The following CCDC106 variants were observed in gnomAD, a reference collection of about 807,000 sequenced individuals.
CCDC106 encodes coiled-coil domain containing 106.
In CCDC106, 17 loss-of-function variants were observed where a neutral mutation model predicts 24.7. The observed-to-expected ratio is 0.69, with a 90% CI of 0.47 to 1.03. The LOEUF (loss-of-function observed/expected upper bound fraction) is 1.03. Ranked by LOEUF, CCDC106 falls within the 50% of genes least tolerant of loss-of-function variation. CCDC106 has a pLI of 0.00. For synonymous variants in CCDC106, 211 were observed against 161.3 expected, an observed-to-expected ratio of 1.31 and a Z score of -2.34; for missense variants, 337 against 388.9, an observed-to-expected ratio of 0.87 and a Z score of 1.12.
intron 3 of CCDC106, 48 bp from the exon 4 acceptor site, chr19:55,651,235 A>G: frequency 1.4e-6 from 2 of 1,416,612 alleles, no homozygotes; most frequent in Non-Finnish European, 1.0e-6. Flanking sequence ...GGGACCTGTG[A>G]TGGGATGTCT....
rs774812505 is a variant in CCDC106 at position 55,649,503 on chromosome 19, C to A, written c.232C>A (p.Arg78Ser). Residue 78 changes from arginine to serine, a missense_variant, in exon 3 of 5, where the codon CGC becomes AGC. By Grantham distance (110) the Arg-to-Ser change is moderately radical. This residue lies in a region of CCDC106 where 234 missense variants were observed against 236.5 expected (regional missense o/e 0.99). Coordinates refer to ENST00000586790, the MANE Select transcript of CCDC106 (RefSeq NM_001370470.1). ...GGAGAGGAACTCCTGGCTGCAGAAG[C>A]GCATCGAGGACCTGGAGGAAGAGAG... ...ALERNSWLQK[R>S]IEDLEEERDF... The A allele has an allele frequency of 4.3e-6, 7 of 1,613,936 alleles. No individual in the cohort carries two copies. The highest frequency in any genetic ancestry group is 5.9e-6 in the Non-Finnish European group (7 of 1,179,950).
At chr19:55,651,532 G>A (rs775752133) in intron 4 of CCDC106, 37 bp downstream of exon 4, 10 of 1,388,100 alleles carry the variant, frequency 7.2e-6, no homozygotes, top group South Asian at 2.8e-5. Context: ...TGAGGGGCCC[G>A]GGCTGCTGAA....
Position 55,649,666 on chromosome 19 carries a change from T to A in CCDC106, c.313+82T>A, listed in dbSNP as rs1054637423. On this transcript the variant is annotated intron_variant, in intron 3 of 4. Coordinates refer to ENST00000586790, the MANE Select transcript of CCDC106 (RefSeq NM_001370470.1). ...TCACCCAGACTCAAGGCTCCACTGT[T>A]TGGCTGGCTGGGTGGGACCTGCCAT... is the stretch of plus-strand genomic sequence containing the variant. 3.6e-6 allele frequency: 5 copies of A among 1,392,868 alleles called. No homozygotes were observed. In the African/African-American group the frequency reaches 7.1e-5, roughly 20 times the overall value. The allele number at this position is 1,392,868 out of a possible 1,614,324, so 86.3% of individuals were successfully genotyped here.
rs1353572084 is a variant in CCDC106, at chr19:55,651,140, A to G, written c.314-143A>G. On this transcript the variant is annotated intron_variant, in intron 3 of 4. Transcript: ENST00000586790. ...GCTCTACTCAGCCACCAGCGTCTCT[A>G]CCGTACTCCTTGTCTCTCTGTCTCT... 5.8e-6 allele frequency: 4 copies of G among 688,168 alleles called. No homozygotes were observed. The East Asian group carries it at 8.0e-5, about 14-fold the overall frequency. 42.6% of individuals were successfully genotyped at this position (688,168 alleles called of 1,614,324 possible). A position where few individuals can be genotyped will look rare whatever the true frequency, so the allele number is the denominator to read the frequency against.
intron 3 of CCDC106, among the ~76,000 whole-genome samples, chr19:55,649,908 CTTCTGACTCCT>C (rs968021113): frequency 3.3e-5 from 5 of 152,104 alleles, no homozygotes; most frequent in Admixed American, 2.0e-4. Context: ...GAGCCCCTCT[CTTCTGACTCCT>C]AGGGGGACCT....
Position 55,649,536 on chromosome 19 carries a change from C to T in CCDC106, c.265C>T (p.Leu89=). ...IEDLEEERDF[L]RCQLDKFISS... is the part of the protein sequence containing the mutation. ...GGACCTGGAGGAAGAGAGGGACTTC[C>T]TGCGGTGCCAGCTGGACAAATTCAT... The change falls in exon 3 of 5, where the codon CTG becomes TTG. Residue 89 remains leucine, a synonymous_variant. Coordinates refer to ENST00000586790, the MANE Select transcript of CCDC106 (RefSeq NM_001370470.1). 2 of 1,614,136 alleles carry T rather than the reference C, an allele frequency of 1.2e-6. No homozygotes were observed. The highest frequency in any genetic ancestry group is 1.7e-6 in the Non-Finnish European group (2 of 1,179,986).
chr19:55,648,513 C>T lies in CCDC106; in HGVS notation c.-534C>T, dbSNP rs1299510925. On this transcript the variant is annotated 5_prime_UTR_variant, in exon 1 of 5. Coordinates refer to ENST00000586790, the MANE Select transcript of CCDC106 (RefSeq NM_001370470.1). Reference sequence around the variant, plus strand: ...CACCACCGGGGGACGGTCCGCCCGCCCACGCGAGTGCGGGGGAGGGGTGTG... The same window carrying T: ...CACCACCGGGGGACGGTCCGCCCGCTCACGCGAGTGCGGGGGAGGGGTGTG... 1 of 158,214 alleles carries T rather than the reference C, an allele frequency of 6.3e-6. No individual in the cohort carries two copies. Among genetic ancestry groups the T allele is most frequent in the Admixed American group, 6.0e-5 (1 of 16,738 alleles). The allele number at this position is 158,214 out of a possible 1,614,324, so 9.8% of individuals were successfully genotyped here. A position where few individuals can be genotyped will look rare whatever the true frequency, so the allele number is the denominator to read the frequency against.
chr19:55,649,302 C>T lies in CCDC106; in HGVS notation c.129C>T (p.Asn43=). Residue 43 remains asparagine, a synonymous_variant, in exon 2 of 5, where the codon AAC becomes AAT. Transcript: ENST00000586790. ...IFYSLSPSRR[N]FEEPPEAASS... ...ACAGTCTGAGCCCCTCTCGGAGAAA[C>T]TTCGAGGGTGAGCTGAGGGGGTGTG... 1 of 1,613,926 alleles carries T rather than the reference C, an allele frequency of 6.2e-7. No individual in the cohort carries two copies. The highest frequency in any genetic ancestry group is 8.5e-7 in the Non-Finnish European group (1 of 1,179,898).
Position 55,652,784 on chromosome 19 carries a change from C to G in CCDC106, c.*38C>G. 1 of 1,529,992 alleles carries G rather than the reference C, an allele frequency of 6.5e-7. No individual in the cohort carries two copies. Among genetic ancestry groups the G allele is most frequent in the Non-Finnish European group, 8.9e-7 (1 of 1,126,668 alleles). The allele number at this position is 1,529,992 out of a possible 1,614,324, so 94.8% of individuals were successfully genotyped here. Reference sequence around the variant, plus strand: ...TCCGCGCCTCCACCCGGGCCTTCCTCCCCCGTGGACCCCGGTGGATGACCT... The same window carrying G: ...TCCGCGCCTCCACCCGGGCCTTCCTGCCCCGTGGACCCCGGTGGATGACCT... On this transcript the variant is annotated 3_prime_UTR_variant, in exon 5 of 5. Coordinates refer to ENST00000586790, the MANE Select transcript of CCDC106 (RefSeq NM_001370470.1). This position sits in a 1 kb window ranked among gnomAD's most constrained non-coding sequence, Gnocchi z 5.9.
At chr19:55,647,930 C>T (rs1211532876), upstream of CCDC106, 2 of 152,280 alleles carry the variant, frequency 1.3e-5, no homozygotes, top group African/African-American at 4.8e-5. Flanking sequence ...CTCGCCAGCT[C>T]TCCAGGATGG....
chr19:55,649,209 G>A lies in CCDC106; in HGVS notation c.36G>A (p.Lys12=). 6.2e-7 allele frequency: 1 copy of A among 1,613,616 alleles called. No homozygotes were observed. Among genetic ancestry groups the A allele is most frequent in the East Asian group, 2.2e-5 (1 of 44,878 alleles). ...NDRSSRRRTM[K]DDETFEISIP... The stretch of plus-strand genomic sequence containing the variant: ...CCCGGGGCCTCTCCTCTCCAGTGAA[G>A]GACGATGAGACCTTCGAGATCTCCA... Residue 12 remains lysine (K), a synonymous_variant, in exon 2 of 5, where the codon AAG becomes AAA. Transcript: ENST00000586790.
rs1983436241 is a variant in CCDC106 at position 55,652,947 on chromosome 19, T to A, written c.*201T>A. The A allele has an allele frequency of 1.8e-6, 1 of 562,308 alleles. No homozygotes were observed. The highest frequency in any genetic ancestry group is 2.1e-5 in the South Asian group (1 of 47,440). 34.8% of individuals were successfully genotyped at this position (562,308 alleles called of 1,614,324 possible). On this transcript the variant is annotated 3_prime_UTR_variant, in exon 5 of 5. Coordinates refer to ENST00000586790, the MANE Select transcript of CCDC106 (RefSeq NM_001370470.1). This position sits in a 1 kb window ranked among gnomAD's most constrained non-coding sequence, Gnocchi z 5.9. Reference sequence around the variant, plus strand: ...CGCCGGCACCCCCTTCCGCTTGGGCTGCCCAGCCCTGTCCTCGCCGGGCCC... The same window carrying A: ...CGCCGGCACCCCCTTCCGCTTGGGCAGCCCAGCCCTGTCCTCGCCGGGCCC...
chr19:55,652,967 G>A lies in CCDC106; in HGVS notation c.*221G>A, dbSNP rs969026624. ...TGGGCTGCCCAGCCCTGTCCTCGCCGGGCCCCTTCCTCCTGGAAAACCAGG... is the reference window on the plus strand; with the variant it reads ...TGGGCTGCCCAGCCCTGTCCTCGCCAGGCCCCTTCCTCCTGGAAAACCAGG... On this transcript the variant is annotated 3_prime_UTR_variant, in exon 5 of 5. Coordinates refer to ENST00000586790, the MANE Select transcript of CCDC106 (RefSeq NM_001370470.1). The surrounding 1 kb of genome is among the most constrained non-coding windows in gnomAD (Gnocchi z 5.9). 9 of 532,634 alleles carry A rather than the reference G, an allele frequency of 1.7e-5. No homozygotes were observed. In the East Asian group the frequency reaches 2.0e-4, roughly 12 times the overall value. The allele number at this position is 532,634 out of a possible 1,614,324, so 33.0% of individuals were successfully genotyped here.
At chr19:55,647,795 C>T (rs182194416), upstream of CCDC106, among the ~76,000 whole-genome samples, 11 of 152,054 alleles carry the variant, frequency 7.2e-5, 1 homozygote, top group Non-Finnish European at 2.9e-5. Context: ...TCCGCGCTGG[C>T]TAGTTCCTGA....
In CCDC106 at chr19:55,651,982, G is replaced by C. The variant is rs1440567953; in HGVS notation, c.527-448G>C. Among the ~76,000 whole-genome samples the C allele has an allele frequency of 3.3e-5, 5 of 152,040 alleles. No individual in the cohort carries two copies. The East Asian group carries it at 9.7e-4, about 29-fold the overall frequency. On this transcript the variant is annotated intron_variant, in intron 4 of 4. Coordinates refer to ENST00000586790, the MANE Select transcript of CCDC106 (RefSeq NM_001370470.1). ...TGGCCTGTCCTGGGTTTACTTTTAA[G>C]TTTTGGTCCACCGTCGAGGGCAGGG...
rs575660344 is a variant in CCDC106, at chr19:55,652,332, C to T, written c.527-98C>T. ...TGCACCGGCCCGTGCCTCTGCTCGCCGAGATCCTTTCTTCCCATGGCCGTT... is the reference window on the plus strand; with the variant it reads ...TGCACCGGCCCGTGCCTCTGCTCGCTGAGATCCTTTCTTCCCATGGCCGTT... On this transcript the variant is annotated intron_variant, in intron 4 of 4. Transcript: ENST00000586790. This position sits in a 1 kb window ranked among gnomAD's most constrained non-coding sequence, Gnocchi z 5.9. The T allele has an allele frequency of 2.4e-5, 27 of 1,104,102 alleles. No homozygotes were observed. In the East Asian group the frequency reaches 5.8e-4, roughly 24 times the overall value. The allele number at this position is 1,104,102 out of a possible 1,614,324, so 68.4% of individuals were successfully genotyped here. A position where few individuals can be genotyped will look rare whatever the true frequency, so the allele number is the denominator to read the frequency against.
At position 55,649,450 on chromosome 19, in the gene CCDC106, G is replaced by C; in HGVS notation, c.179G>C (p.Ser60Thr). 6.2e-7 allele frequency: 1 copy of C among 1,614,136 alleles called. No individual in the cohort carries two copies. The highest frequency in any genetic ancestry group is 2.2e-5 in the East Asian group (1 of 44,884). Residue 60 changes from serine (S) to threonine (T), a missense_variant, in exon 3 of 5, where the codon AGC becomes ACC. Around this residue, in one of 2 missense-constraint regions of CCDC106, gnomAD observed 234 missense variants for 236.5 expected, o/e 0.99. Transcript: ENST00000586790. Reference sequence around the variant, plus strand: ...TCCTCCGCCCTGGCTCTGATGAACAGCGTCAAGACCCAGCTGCACATGGCT... The same window carrying C: ...TCCTCCGCCCTGGCTCTGATGAACACCGTCAAGACCCAGCTGCACATGGCT... Reference protein sequence around the residue: ...AASSALALMNSVKTQLHMALE... With the variant: ...AASSALALMNTVKTQLHMALE...
At position 55,649,303 on chromosome 19, in the gene CCDC106, T is replaced by G; in HGVS notation, c.130T>G (p.Phe44Val). The G allele has an allele frequency of 6.2e-7, 1 of 1,613,642 alleles. No individual in the cohort carries two copies. The highest frequency in any genetic ancestry group is 1.1e-5 in the South Asian group (1 of 91,042). ...FYSLSPSRRN[F>V]EEPPEAASSA... ...CAGTCTGAGCCCCTCTCGGAGAAAC[T>G]TCGAGGGTGAGCTGAGGGGGTGTGG... Residue 44 changes from phenylalanine to valine, a missense_variant, in exon 2 of 5, where the codon TTC becomes GTC. This residue lies in a region of CCDC106 where 234 missense variants were observed against 236.5 expected (regional missense o/e 0.99). Transcript: ENST00000586790.
chr19:55,649,402 C>T lies in CCDC106; in HGVS notation c.137-6C>T, dbSNP rs776524505. The T allele has an allele frequency of 1.2e-6, 2 of 1,613,976 alleles. No individual in the cohort carries two copies. The highest frequency in any genetic ancestry group is 1.7e-5 in the Admixed American group (1 of 60,010). On this transcript the variant is annotated splice_polypyrimidine_tract_variant and splice_region_variant and intron_variant, in intron 2 of 4. Transcript: ENST00000586790. ...CCTGGTCCCCCCACCCTCGCTGTGT[C>T]CCTAGAGCCTCCGGAGGCTGCGTCC...
Sources: allele counts gnomAD v4.1 joint callset (sites outside exome capture counted in the v4.1 genomes callset), GRCh38; gene constraint gnomAD v4.1.1; regional missense constraint gnomAD v4.1.1; non-coding constraint Gnocchi (gnomAD v3.1); transcripts MANE v1.5; gene names NCBI Gene and HGNC (gene_info 2026-07-23, HGNC 2026-07-21).